PPP1R13B: variants seen among roughly 807,000 people sequenced by gnomAD.
The protein encoded by PPP1R13B is protein phosphatase 1 regulatory subunit 13B.
PPP1R13B carries 44 observed loss-of-function variants against 119.8 expected under a neutral mutation model. The observed-to-expected ratio is 0.37, with a 90% confidence interval of 0.29 to 0.47. PPP1R13B has a LOEUF of 0.47. Ranked by LOEUF, PPP1R13B falls within the 20% of genes least tolerant of loss-of-function variation. The pLI is 0.99. For missense variants in PPP1R13B, 1,227 were observed against 1,413.5 expected (o/e 0.87, Z 2.12); for synonymous variants, 542 against 561.5 (o/e 0.97, Z 0.49).
At chr14:103,814,297 C>T (rs1436524559) in intron 1 of PPP1R13B, among the ~76,000 whole-genome samples, 2 of 152,058 alleles carry the variant, frequency 1.3e-5, no homozygotes, top group African/African-American at 2.4e-5. Flanking sequence ...TGCAGTGAGC[C>T]GAGATTGCCC....
At chr14:103,805,191 G>A (rs915461923) in intron 1 of PPP1R13B, among the ~76,000 whole-genome samples, 4 of 152,032 alleles carry the variant, frequency 2.6e-5, no homozygotes, top group Non-Finnish European at 4.4e-5. Flanking sequence ...CCACTCCTAG[G>A]TACCTACCCT....
At chr14:103,745,908 T>C (rs567566141) in intron 9 of PPP1R13B, among the ~76,000 whole-genome samples, 1 of 152,256 alleles carries the variant, frequency 6.6e-6, no homozygotes, top group Admixed American at 6.5e-5. Context: ...CAGGTTCAAG[T>C]GATTCTCCCG....
In PPP1R13B at chr14:103,738,303, A is replaced by C; in HGVS notation, c.2864+376T>G. On this transcript the variant is annotated intron_variant, in intron 14 of 16. Coordinates refer to ENST00000202556, the MANE Select transcript of PPP1R13B (RefSeq NM_015316.3). This position sits in a 1 kb window ranked among gnomAD's most constrained non-coding sequence, Gnocchi z 5.6. Reference sequence around the variant, plus strand: ...GCTCCCGAAGGCAAACGGAATGAACAATGCGACAACCTACATGCCTGACCC... The same window carrying C: ...GCTCCCGAAGGCAAACGGAATGAACCATGCGACAACCTACATGCCTGACCC... 1 of 297,278 alleles carries C rather than the reference A, an allele frequency of 3.4e-6. No individual in the cohort carries two copies. Among genetic ancestry groups the C allele is most frequent in the Non-Finnish European group, 6.3e-6 (1 of 158,396 alleles). 18.4% of individuals were successfully genotyped at this position (297,278 alleles called of 1,614,324 possible). A position where few individuals can be genotyped will look rare whatever the true frequency, so the allele number is the denominator to read the frequency against.
At chr14:103,839,214 G>A (rs1216222976) in intron 1 of PPP1R13B, among the ~76,000 whole-genome samples, 3 of 151,898 alleles carry the variant, frequency 2.0e-5, no homozygotes, top group African/African-American at 4.8e-5. Context: ...GGATTTCACC[G>A]TGTTAGCCAG....
At chr14:103,793,199 G>A (rs2085670217) in intron 2 of PPP1R13B, among the ~76,000 whole-genome samples, 1 of 151,094 alleles carries the variant, frequency 6.6e-6, no homozygotes, top group African/African-American at 2.5e-5. Flanking sequence ...GAAGAGAAGT[G>A]AGGAAAGGAA....
intron 4 of PPP1R13B, chr14:103,763,227 T>G (rs2084852280): frequency 5.5e-6 from 3 of 546,022 alleles, no homozygotes; most frequent in Non-Finnish European, 1.0e-5. Flanking sequence ...AAAGGTTGAC[T>G]TGGAACTCAG....
intron 2 of PPP1R13B, among the ~76,000 whole-genome samples, chr14:103,794,011 T>C (rs1013024505): frequency 6.6e-6 from 1 of 152,142 alleles, no homozygotes; most frequent in Non-Finnish European, 1.5e-5. Context: ...AGGGGGAGGT[T>C]TGTCCACAGA....
At chr14:103,820,139 C>T (rs2086372845) in intron 1 of PPP1R13B, among the ~76,000 whole-genome samples, 2 of 152,170 alleles carry the variant, frequency 1.3e-5, no homozygotes, top group African/African-American at 4.8e-5. Flanking sequence ...TCAGTCCCAG[C>T]AACTTCCCTA....
chr14:103,757,725 G>A lies in PPP1R13B; in HGVS notation c.381C>T (p.Thr127=), dbSNP rs370294100. 64 of 1,613,566 alleles carry A rather than the reference G, an allele frequency of 4.0e-5. No homozygotes were observed. In the African/African-American group the frequency reaches 8.1e-4, roughly 21 times the overall value. ...NGVGNPRVEL[T]LSELQDMAAR... The stretch of plus-strand genomic sequence containing the variant: ...CTGCCATATCTTGGAGCTCTGAGAG[G>A]GTAAGTTCAACACGTGGATTCCCAA... The change falls in exon 5 of 17, where the codon ACC becomes ACT. Residue 127 remains threonine, a synonymous_variant. Coordinates refer to ENST00000202556, the MANE Select transcript of PPP1R13B (RefSeq NM_015316.3).
At chr14:103,771,153 C>G (rs926684759) in intron 4 of PPP1R13B, among the ~76,000 whole-genome samples, 1 of 152,196 alleles carries the variant, frequency 6.6e-6, no homozygotes, top group African/African-American at 2.4e-5. Flanking sequence ...TCTGTAACCA[C>G]TAGACAGCTC....
intron 1 of PPP1R13B, among the ~76,000 whole-genome samples, chr14:103,820,445 AT>A (rs5811119): frequency 0.45 from 67,433 of 151,376 alleles, 15,507 homozygotes; most frequent in African/African-American, 0.56. Context: ...AAGGACCCGT[AT>A]TTTTGACACA....
chr14:103,757,993 A>G lies in PPP1R13B; in HGVS notation c.355-242T>C, dbSNP rs7160531. Among the ~76,000 whole-genome samples, 400 of 152,370 alleles carry G rather than the reference A, an allele frequency of 2.6e-3. 4 individuals are homozygous for G. Among genetic ancestry groups the G allele is most frequent in the African/African-American group, 8.9e-3 (372 of 41,596 alleles). ...TTTAGTAAGGGCTCAAGTTTAAGCA[A>G]ACATTTGCAAATGTGTATTATGAGT... On this transcript the variant is annotated intron_variant, in intron 4 of 16. Transcript: ENST00000202556.
chr14:103,747,882 C>A (rs551370912), intron 8 of PPP1R13B, among the ~76,000 whole-genome samples: 1 of 152,128 alleles, frequency 6.6e-6, no homozygotes, highest in Non-Finnish European at 1.5e-5. Context: ...GGGTGGGCCC[C>A]ATCCAATCAG....
chr14:103,762,717 G>A (rs534932354), intron 4 of PPP1R13B: 80 of 637,076 alleles, frequency 1.3e-4, no homozygotes, highest in Non-Finnish European at 2.1e-4. Flanking sequence ...CCTGGGTGTC[G>A]GCGGTGGCCG....
chr14:103,769,415 T>G (rs996697117), intron 4 of PPP1R13B, among the ~76,000 whole-genome samples: 1 of 152,084 alleles, frequency 6.6e-6, no homozygotes, highest in African/African-American at 2.4e-5. Flanking sequence ...TTAAAATTTT[T>G]TTTTTGTAGA....
At chr14:103,835,915 T>G (rs1363948391) in intron 1 of PPP1R13B, among the ~76,000 whole-genome samples, 1 of 151,696 alleles carries the variant, frequency 6.6e-6, no homozygotes, top group Non-Finnish European at 1.5e-5. Context: ...GCCTTTAATT[T>G]TTTTTAATAT....
rs993880747 is a variant in PPP1R13B, at chr14:103,740,525, G to A, written c.1891C>T (p.Leu631=). The change falls in exon 12 of 17, where the codon CTG becomes TTG. Residue 631 remains leucine, a synonymous_variant. Coordinates refer to ENST00000202556, the MANE Select transcript of PPP1R13B (RefSeq NM_015316.3). The surrounding 1 kb of genome is among the most constrained non-coding windows in gnomAD (Gnocchi z 4.6). ...PSPLPFLHGS[L]STGTPQPQPP... is the part of the protein sequence containing the mutation. Reference sequence around the variant, plus strand: ...TGAGGCTGTGGTGTGCCCGTGGACAGTGACCCGTGAAGAAACGGCAGCGGC... The same window carrying A: ...TGAGGCTGTGGTGTGCCCGTGGACAATGACCCGTGAAGAAACGGCAGCGGC... The A allele has an allele frequency of 1.9e-6, 3 of 1,586,292 alleles. No homozygotes were observed. In the African/African-American group the frequency reaches 4.1e-5, roughly 21 times the overall value.
intron 4 of PPP1R13B, among the ~76,000 whole-genome samples, chr14:103,771,565 C>T (rs2152005288): frequency 6.6e-6 from 1 of 150,576 alleles, no homozygotes; most frequent in East Asian, 2.0e-4. Context: ...ACTGCAACCT[C>T]CGCCCCCTGG....
chr14:103,836,946 G>A (rs1274783430), intron 1 of PPP1R13B, among the ~76,000 whole-genome samples: 1 of 152,088 alleles, frequency 6.6e-6, no homozygotes, highest in African/African-American at 2.4e-5. Flanking sequence ...TTATACTTTG[G>A]TAATTTGTGA....
Sources: gnomAD v4.1 joint callset for allele counts (sites outside exome capture counted in the v4.1 genomes callset) on GRCh38, gnomAD v4.1.1 for gene constraint, Gnocchi (gnomAD v3.1) non-coding constraint, MANE v1.5 for transcripts, NCBI Gene and HGNC (gene_info 2026-07-23, HGNC 2026-07-21) for gene names.